TMT1B: variants seen among roughly 807,000 people sequenced by gnomAD.
TMT1B encodes the protein thiol methyltransferase 1B.
chr12:55,683,464 C>T, the TMT1B span, among the ~76,000 whole-genome samples: 3 of 152,122 alleles, frequency 2.0e-5, no homozygotes, highest in Admixed American at 2.0e-4. Context: ...CATTGCACTC[C>T]AGCCTGAGCA....
At chr12:55,682,072 C>T in the TMT1B span, 1 of 1,614,226 alleles carries the variant, frequency 6.2e-7, no homozygotes, top group African/African-American at 1.3e-5. Flanking sequence ...TTGAGAAGTT[C>T]CTGACAAAGA....
the TMT1B span, chr12:55,684,120 C>T: frequency 7.1e-7 from 1 of 1,409,446 alleles, no homozygotes; most frequent in African/African-American, 1.4e-5. Context: ...ACCCACCAGC[C>T]TATCTATCTT....
At chr12:55,684,036 A>G in the TMT1B span, 1 of 1,613,246 alleles carries the variant, frequency 6.2e-7, no homozygotes, top group Non-Finnish European at 8.5e-7. Context: ...ATCATGGGAA[A>G]GGCTGTCAAA....
the TMT1B span, chr12:55,681,862 C>A: frequency 6.3e-7 from 1 of 1,595,810 alleles, no homozygotes; most frequent in Non-Finnish European, 8.5e-7. Context: ...AAAGCTACTT[C>A]CCCTACCTGA....
At chr12:55,682,373 C>A in the TMT1B span, 3 of 919,326 alleles carry the variant, frequency 3.3e-6, no homozygotes, top group Admixed American at 2.8e-5. Context: ...ACCCCATCCA[C>A]CTCTACCTGC....
At chr12:55,682,157 GA>G in the TMT1B span, 1 of 1,614,068 alleles carries the variant, frequency 6.2e-7, no homozygotes, top group Non-Finnish European at 8.5e-7. Context: ...ACAGCTGGCT[GA>G]TGGCTCCATG....
chr12:55,683,810 CA>C, the TMT1B span: 1 of 1,613,776 alleles, frequency 6.2e-7, no homozygotes, highest in East Asian at 2.2e-5. Context: ...TCATCCCTCC[CA>C]GGGAGGTGTG....
the TMT1B span, chr12:55,684,290 C>T: frequency 1.2e-5 from 6 of 485,360 alleles, no homozygotes; most frequent in Non-Finnish European, 2.3e-5. Flanking sequence ...ACACTAGGAC[C>T]CTGTTGTATC....
the TMT1B span, chr12:55,682,058 C>T: frequency 6.2e-7 from 1 of 1,614,256 alleles, no homozygotes; most frequent in East Asian, 2.2e-5. Flanking sequence ...CCCAAATCCC[C>T]ACTTTGAGAA....
At chr12:55,682,178 G>A in the TMT1B span, 1 of 1,614,008 alleles carries the variant, frequency 6.2e-7, no homozygotes, top group Non-Finnish European at 8.5e-7. Context: ...GGATGTGGTG[G>A]TCTGCACTCT....
At chr12:55,681,801 C>G in the TMT1B span, 2 of 1,553,382 alleles carry the variant, frequency 1.3e-6, no homozygotes, top group Non-Finnish European at 1.7e-6. Flanking sequence ...CTGCTTCTTA[C>G]CCTGCCCCTG....
chr12:55,683,010 A>C, the TMT1B span, among the ~76,000 whole-genome samples: 1 of 152,154 alleles, frequency 6.6e-6, no homozygotes, highest in Non-Finnish European at 1.5e-5. Flanking sequence ...GCTGAGATGG[A>C]AGAAAGCTGT....
At chr12:55,684,197 C>A in the TMT1B span, 3 of 713,392 alleles carry the variant, frequency 4.2e-6, no homozygotes, top group East Asian at 2.6e-5. Flanking sequence ...CCTCTCTCCC[C>A]AACCTCTGCC....
At chr12:55,683,189 G>A in the TMT1B span, among the ~76,000 whole-genome samples, 5 of 152,118 alleles carry the variant, frequency 3.3e-5, no homozygotes, top group Non-Finnish European at 4.4e-5. Context: ...GAGGTTGTGC[G>A]TGTATCTCAG....
chr12:55,683,838 A>G, the TMT1B span: 1 of 1,614,100 alleles, frequency 6.2e-7, no homozygotes, highest in Non-Finnish European at 8.5e-7. Context: ...TTCTGGGAGC[A>G]TGTGGCAGAA....
the TMT1B span, among the ~76,000 whole-genome samples, chr12:55,682,854 G>T: frequency 6.6e-6 from 1 of 152,028 alleles, no homozygotes; most frequent in East Asian, 1.9e-4. Context: ...GAGTGTGGAC[G>T]GGGTGGGGAA....
At chr12:55,682,403 C>A in the TMT1B span, 1 of 765,966 alleles carries the variant, frequency 1.3e-6, no homozygotes, top group Non-Finnish European at 2.1e-6. Context: ...GGAGACATGA[C>A]CAGTGCCATG....
the TMT1B span, chr12:55,683,918 T>C: frequency 6.2e-7 from 1 of 1,614,152 alleles, no homozygotes. Context: ...TGGGGATGGC[T>C]GCTGCCTCAC....
the TMT1B span, chr12:55,684,069 C>T: frequency 6.2e-7 from 1 of 1,607,538 alleles, no homozygotes; most frequent in South Asian, 1.1e-5. Context: ...AGCTCCAAGG[C>T]ACTCATTTGC....
Sources: allele counts gnomAD v4.1 joint callset (sites outside exome capture counted in the v4.1 genomes callset), GRCh38; gene constraint gnomAD v4.1.1; transcripts MANE v1.5; gene names NCBI Gene and HGNC (gene_info 2026-07-23, HGNC 2026-07-21).